ANKS1B: variants seen among roughly 807,000 people sequenced by gnomAD.
ANKS1B encodes ankyrin repeat and sterile alpha motif domain containing 1B.
A neutral mutation model predicts 148.3 loss-of-function variants in ANKS1B; 36 were observed. The ratio of observed to expected loss-of-function variants is 0.24; its 90% CI spans 0.19 to 0.32. The LOEUF is 0.32. Among genes scored for constraint, ANKS1B ranks in the 10% least tolerant of loss-of-function variants. The pLI, the probability that ANKS1B is intolerant of heterozygous loss-of-function variation, is 1.00. For synonymous variants in ANKS1B, 542 were observed against 560.8 expected, an observed-to-expected ratio of 0.97 and a Z score of 0.47; for missense variants, 1,157 against 1,542.6, an observed-to-expected ratio of 0.75 and a Z score of 4.19.
intron 11 of ANKS1B, among the ~76,000 whole-genome samples, chr12:99,422,311 C>T (rs1271886859): frequency 1.3e-5 from 2 of 152,130 alleles, no homozygotes; most frequent in Non-Finnish European, 2.9e-5. Flanking sequence ...CAGCACTATC[C>T]AATATTAACT....
chr12:99,747,090 C>T (rs575092574), intron 8 of ANKS1B, among the ~76,000 whole-genome samples: 4 of 151,770 alleles, frequency 2.6e-5, no homozygotes, highest in African/African-American at 9.7e-5. Flanking sequence ...AGGTCTGAAC[C>T]CCTTTCTCCT....
chr12:99,950,719 C>T (rs2095197763), intron 1 of ANKS1B, among the ~76,000 whole-genome samples: 1 of 151,676 alleles, frequency 6.6e-6, no homozygotes, highest in Non-Finnish European at 1.5e-5. Context: ...TTATTTGTTC[C>T]CCTCAAAACC....
chr12:99,972,220 G>C (rs1333964938), intron 1 of ANKS1B, among the ~76,000 whole-genome samples: 1 of 152,124 alleles, frequency 6.6e-6, no homozygotes, highest in Non-Finnish European at 1.5e-5. Flanking sequence ...CAAGTGAAAG[G>C]AAGAGTCACA....
At chr12:99,277,049 T>C (rs1396316598) in intron 12 of ANKS1B, among the ~76,000 whole-genome samples, 1 of 152,178 alleles carries the variant, frequency 6.6e-6, no homozygotes, top group Admixed American at 6.5e-5. Context: ...TCATGAGGGC[T>C]TACTTCCTAA....
chr12:99,806,285 T>C, intron 4 of ANKS1B, 119 bp downstream of exon 4: 1 of 1,279,230 alleles, frequency 7.8e-7, no homozygotes, highest in Admixed American at 2.2e-5. Context: ...ACTCAGTAGT[T>C]ACAAAAGTAC....
intron 8 of ANKS1B, among the ~76,000 whole-genome samples, chr12:99,694,362 C>T (rs2053582917): frequency 6.6e-6 from 1 of 151,216 alleles, no homozygotes. Flanking sequence ...TCGCTTGAAC[C>T]CGGGAGGTGG....
At chr12:99,066,505 G>T (rs2044388772) in intron 16 of ANKS1B, among the ~76,000 whole-genome samples, 3 of 152,148 alleles carry the variant, frequency 2.0e-5, no homozygotes, top group Admixed American at 2.0e-4. Context: ...GGAACCAGGG[G>T]CCAGATAAGT....
intron 4 of ANKS1B, among the ~76,000 whole-genome samples, chr12:99,790,639 T>C (rs2065530537): frequency 6.6e-6 from 1 of 152,136 alleles, no homozygotes; most frequent in East Asian, 1.9e-4. Context: ...GTATAGTTTT[T>C]ATTAGTTTTC....
At chr12:98,929,679 G>A (rs1051975390) in intron 17 of ANKS1B, among the ~76,000 whole-genome samples, 1 of 152,018 alleles carries the variant, frequency 6.6e-6, no homozygotes, top group Non-Finnish European at 1.5e-5. Flanking sequence ...AGAGTGCCAA[G>A]GTAATCCAAT....
At chr12:99,846,844 C>T (rs2086745010) in intron 1 of ANKS1B, among the ~76,000 whole-genome samples, 1 of 152,066 alleles carries the variant, frequency 6.6e-6, no homozygotes, top group Non-Finnish European at 1.5e-5. Context: ...AGGATTAGAA[C>T]TATGATGTGG....
intron 15 of ANKS1B, among the ~76,000 whole-genome samples, chr12:99,118,590 T>C (rs189448039): frequency 4.1e-4 from 62 of 152,278 alleles, no homozygotes; most frequent in Admixed American, 1.1e-3. Context: ...AACTAAAATA[T>C]AATATTATGT....
At position 99,758,997 on chromosome 12, in the gene ANKS1B, T is replaced by G. The variant is rs142733858; in HGVS notation, c.1128+13925A>C. On this transcript the variant is annotated intron_variant, in intron 8 of 26. Transcript: ENST00000683438. ...ATGTCAATTTTTGTCTCATTTATTC[T>G]GAGGGCAGGCAATTTTCACTTTAAT... 4.0e-3 allele frequency among the ~76,000 whole-genome samples: 601 copies of G among 152,028 alleles called. 6 individuals are homozygous for G. The highest frequency in any genetic ancestry group is 0.014 in the African/African-American group (576 of 41,544).
At chr12:98,865,076 G>C (rs763796511) in intron 17 of ANKS1B, among the ~76,000 whole-genome samples, 119 of 152,084 alleles carry the variant, frequency 7.8e-4, no homozygotes, top group Non-Finnish European at 1.5e-3. Context: ...CCTGCCACCA[G>C]CCAGTACATA....
At chr12:99,172,156 T>C (rs76186037) in intron 14 of ANKS1B, among the ~76,000 whole-genome samples, 182 of 152,282 alleles carry the variant, frequency 1.2e-3, no homozygotes, top group African/African-American at 3.7e-3. Flanking sequence ...TTTGAGGAAC[T>C]ACAAATGATT....
chr12:99,519,535 A>G (rs577193296), intron 9 of ANKS1B, among the ~76,000 whole-genome samples: 57 of 152,254 alleles, frequency 3.7e-4, no homozygotes, highest in African/African-American at 1.3e-3. Context: ...TGATATAAAT[A>G]TAGCTATTCC....
chr12:99,732,037 T>C (rs1005540522), intron 8 of ANKS1B, among the ~76,000 whole-genome samples: 2 of 152,190 alleles, frequency 1.3e-5, no homozygotes, highest in South Asian at 2.1e-4. Context: ...ATATGAAAAA[T>C]GGCAGGTAAA....
intron 9 of ANKS1B, among the ~76,000 whole-genome samples, chr12:99,571,557 A>T (rs2097455985): frequency 6.6e-6 from 1 of 152,144 alleles, no homozygotes; most frequent in African/African-American, 2.4e-5. Flanking sequence ...AATATATAAC[A>T]CAAACATGTT....
intron 14 of ANKS1B, among the ~76,000 whole-genome samples, chr12:99,222,138 G>A (rs533998482): frequency 6.6e-6 from 1 of 152,100 alleles, no homozygotes; most frequent in African/African-American, 2.4e-5. Flanking sequence ...TTAAAAATGA[G>A]AGATAAAGAG....
intron 4 of ANKS1B, among the ~76,000 whole-genome samples, chr12:99,797,976 G>A (rs2066457742): frequency 6.6e-6 from 1 of 151,794 alleles, no homozygotes; most frequent in African/African-American, 2.4e-5. Flanking sequence ...AGGGATGTTT[G>A]TTATATTTTA....
Sources: allele counts gnomAD v4.1 joint callset (sites outside exome capture counted in the v4.1 genomes callset), GRCh38; gene constraint gnomAD v4.1.1; transcripts MANE v1.5; gene names NCBI Gene and HGNC (gene_info 2026-07-23, HGNC 2026-07-21).